The following TUSC3 variants were observed in gnomAD, a reference collection of about 807,000 sequenced individuals.
The protein encoded by TUSC3 is tumor suppressor candidate 3.
In TUSC3, 45 loss-of-function variants were observed where a neutral mutation model predicts 44.8. That is an observed-to-expected ratio of 1.00 (90% CI 0.79 to 1.29). The LOEUF is 1.29. Ranked by LOEUF, TUSC3 falls within the 50% of genes most tolerant of loss-of-function variation. The pLI is 0.00. For missense variants in TUSC3, 519 were observed against 437.9 expected, an observed-to-expected ratio of 1.19 and a Z score of -1.65; for synonymous variants, 212 against 152.9, an observed-to-expected ratio of 1.39 and a Z score of -2.85.
chr8:15,629,060 A>C (rs939010683), intron 2 of TUSC3, among the ~76,000 whole-genome samples: 17 of 152,232 alleles, frequency 1.1e-4, no homozygotes, highest in African/African-American at 4.1e-4. Context: ...GCAAGTTGTC[A>C]TAAAGGGTTT....
At position 15,481,247 on chromosome 8, in the gene TUSC3, CAAAAAAA is replaced by C. The variant is rs57956608; in HGVS notation, n.92-2124_92-2118del. ...GAGCAGCAAGAGTGAAACTCCATCT[CAAAAAAA>C]AAAAAAAAAAAAAAGTGGGGTCTTT... is the stretch of plus-strand genomic sequence containing the variant. On this transcript the variant is annotated intron_variant and non_coding_transcript_variant, in intron 1 of 5. Coordinates refer to the TUSC3 transcript ENST00000503191. Among the ~76,000 whole-genome samples, 3 of 83,056 alleles carry C rather than the reference CAAAAAAA, an allele frequency of 3.6e-5. No homozygotes were observed. The East Asian group carries it at 1.1e-3, about 30-fold the overall frequency. 54.5% of individuals were successfully genotyped at this position (83,056 alleles called of 152,430 possible).
At chr8:15,733,437 A>T (rs1810804496) in intron 7 of TUSC3, 1 of 384,084 alleles carries the variant, frequency 2.6e-6, no homozygotes, top group African/African-American at 2.2e-5. Context: ...GACTATCGAA[A>T]CACATCAGGA....
chr8:15,759,362 C>G lies in TUSC3; in HGVS notation c.*46+1507C>G, dbSNP rs140734593. ...AGAGCAGTGCACAAATATGTTCTGT[C>G]GAGCTGAGGATATCGGAACTTAACC... is the stretch of plus-strand genomic sequence containing the variant. On this transcript the variant is annotated intron_variant, in intron 10 of 10. Transcript: ENST00000503731. Among the ~76,000 whole-genome samples, 16 of 152,050 alleles carry G rather than the reference C, an allele frequency of 1.1e-4. No individual in the cohort carries two copies. In the East Asian group the frequency reaches 2.7e-3, roughly 26 times the overall value.
At chr8:15,526,615 C>T (rs759330643) in intron 2 of TUSC3, among the ~76,000 whole-genome samples, 1 of 152,092 alleles carries the variant, frequency 6.6e-6, no homozygotes, top group African/African-American at 2.4e-5. Flanking sequence ...TCTCGTCTGC[C>T]GCCATGTAAA....
the TUSC3 span, among the ~76,000 whole-genome samples, chr8:15,801,890 G>C: frequency 6.6e-6 from 1 of 152,188 alleles, no homozygotes; most frequent in East Asian, 1.9e-4. Flanking sequence ...TTTTGAAATG[G>C]GAGAGAGGAT....
intron 7 of TUSC3, among the ~76,000 whole-genome samples, chr8:15,740,468 G>A (rs1317648840): frequency 2.6e-5 from 4 of 150,958 alleles, no homozygotes; most frequent in Admixed American, 1.3e-4. Flanking sequence ...AAAAAAAAAT[G>A]TTGTCCTCCA....
the TUSC3 span, among the ~76,000 whole-genome samples, chr8:15,813,352 T>A: frequency 1.3e-5 from 2 of 149,848 alleles, no homozygotes; most frequent in African/African-American, 2.5e-5. Context: ...CCATTAAGAG[T>A]ATTGGTGATG....
chr8:15,446,074 C>G (rs1800093434), intron 1 of TUSC3, among the ~76,000 whole-genome samples: 1 of 150,828 alleles, frequency 6.6e-6, no homozygotes, highest in South Asian at 2.1e-4. Flanking sequence ...AGAGACGCTC[C>G]TCACCTCCCA....
chr8:15,445,842 G>C (rs1250478739), intron 1 of TUSC3, among the ~76,000 whole-genome samples: 1 of 152,248 alleles, frequency 6.6e-6, no homozygotes, highest in Non-Finnish European at 1.5e-5. Context: ...ACACCTCCCA[G>C]ATGGTAGACG....
At chr8:15,515,997 A>T (rs1189657696) in intron 2 of TUSC3, among the ~76,000 whole-genome samples, 1 of 152,100 alleles carries the variant, frequency 6.6e-6, no homozygotes, top group Non-Finnish European at 1.5e-5. Context: ...AAAATTGTTT[A>T]CTATGTCCTT....
At chr8:15,485,463 T>C (rs966490559) in intron 2 of TUSC3, among the ~76,000 whole-genome samples, 2 of 98,238 alleles carry the variant, frequency 2.0e-5, no homozygotes, top group African/African-American at 4.2e-5. Context: ...TACTCTGTTG[T>C]CTTTTTTTTT....
the TUSC3 span, among the ~76,000 whole-genome samples, chr8:15,808,048 G>A: frequency 6.6e-6 from 1 of 152,086 alleles, no homozygotes; most frequent in Non-Finnish European, 1.5e-5. Flanking sequence ...AAAACTTTAT[G>A]CTAGTATAAT....
intron 2 of TUSC3, among the ~76,000 whole-genome samples, chr8:15,512,779 C>CCAATCAAT (rs3070875): frequency 1.1e-4 from 16 of 146,294 alleles, no homozygotes; most frequent in Middle Eastern, 3.5e-3. Flanking sequence ...TTTCAGTCAA[C>CCAATCAAT]CAATCAATCA....
At chr8:15,465,527 T>C (rs1421942955) in intron 1 of TUSC3, among the ~76,000 whole-genome samples, 1 of 152,206 alleles carries the variant, frequency 6.6e-6, no homozygotes, top group Non-Finnish European at 1.5e-5. Context: ...TGATTTGAGA[T>C]GTTAAAATGC....
chr8:15,506,606 GCCTTA>G (rs1195141016), intron 2 of TUSC3, among the ~76,000 whole-genome samples: 3 of 152,144 alleles, frequency 2.0e-5, no homozygotes, highest in African/African-American at 7.2e-5. Context: ...GCAAAGACAC[GCCTTA>G]CATGGTGGCA....
At chr8:15,727,586 CAA>C (rs1169028480) in intron 6 of TUSC3, among the ~76,000 whole-genome samples, 1 of 151,794 alleles carries the variant, frequency 6.6e-6, no homozygotes, top group African/African-American at 2.4e-5. Context: ...AAGACACACA[CAA>C]AAAAAGAAGT....
chr8:15,534,504 T>G (rs982994313), intron 2 of TUSC3, among the ~76,000 whole-genome samples: 14 of 151,526 alleles, frequency 9.2e-5, no homozygotes, highest in Non-Finnish European at 1.6e-4. Flanking sequence ...TTAGCCGGGC[T>G]TGGTGGTGGG....
chr8:15,681,074 A>T (rs1808408502), intron 6 of TUSC3, among the ~76,000 whole-genome samples: 1 of 148,560 alleles, frequency 6.7e-6, no homozygotes, highest in Admixed American at 6.7e-5. Context: ...CCAGGTTTTG[A>T]TATCGGTGCT....
At chr8:15,466,554 T>A (rs1047474420) in intron 1 of TUSC3, among the ~76,000 whole-genome samples, 1 of 152,178 alleles carries the variant, frequency 6.6e-6, no homozygotes, top group South Asian at 2.1e-4. Flanking sequence ...CTTGTAAGGA[T>A]CTTAAAATGG....
Sources: allele counts gnomAD v4.1 joint callset (sites outside exome capture counted in the v4.1 genomes callset), GRCh38; gene constraint gnomAD v4.1.1; transcripts MANE v1.5; gene names NCBI Gene and HGNC (gene_info 2026-07-23, HGNC 2026-07-21).